CDH18: variants seen among roughly 807,000 people sequenced by gnomAD.
The protein encoded by CDH18 is cadherin-18.
CDH18 carries 31 observed loss-of-function variants against 67.9 expected under a neutral mutation model. The observed-to-expected ratio is 0.46, with a 90% CI of 0.34 to 0.62. The LOEUF (loss-of-function observed/expected upper bound fraction) is 0.62. Among genes scored for constraint, CDH18 ranks in the 20% least tolerant of loss-of-function variants. The pLI is 0.01. For synonymous variants in CDH18, 362 were observed against 347.2 expected (o/e 1.04, Z -0.48); for missense variants, 890 against 975.5 (o/e 0.91, Z 1.17).
intron 2 of CDH18, among the ~76,000 whole-genome samples, chr5:20,245,516 T>G (rs2126569865): frequency 6.6e-6 from 1 of 152,220 alleles, no homozygotes; most frequent in East Asian, 1.9e-4. Flanking sequence ...TTGAGTTGTT[T>G]AATAAGTTCT....
chr5:20,288,247 T>C (rs1746836939), intron 1 of CDH18, among the ~76,000 whole-genome samples: 1 of 151,790 alleles, frequency 6.6e-6, no homozygotes, highest in Admixed American at 6.6e-5. Flanking sequence ...TCCTTAACTC[T>C]AATAGAAATC....
chr5:20,264,728 A>C (rs1744903217), intron 1 of CDH18, among the ~76,000 whole-genome samples: 1 of 152,160 alleles, frequency 6.6e-6, no homozygotes, highest in Non-Finnish European at 1.5e-5. Context: ...ACACATAATA[A>C]AATAAGTCCA....
chr5:20,057,980 G>T (rs75645005), intron 2 of CDH18, among the ~76,000 whole-genome samples: 1 of 152,012 alleles, frequency 6.6e-6, no homozygotes, highest in Non-Finnish European at 1.5e-5. Flanking sequence ...AAAGAAAGCC[G>T]TCATTAGGAT....
At chr5:19,682,197 G>A (rs10058914) in intron 5 of CDH18, among the ~76,000 whole-genome samples, 5,176 of 152,056 alleles carry the variant, frequency 0.034, 283 homozygotes, top group African/African-American at 0.12. Flanking sequence ...CTTCAATTCT[G>A]CCAACAGGCA....
intron 7 of CDH18, among the ~76,000 whole-genome samples, chr5:19,575,014 G>C (rs1455902497): frequency 2.0e-5 from 3 of 152,100 alleles, no homozygotes; most frequent in Admixed American, 2.0e-4. Context: ...ACTCCAGCCT[G>C]GGTGACAGAG....
At chr5:19,708,491 C>A (rs2150515214) in intron 5 of CDH18, among the ~76,000 whole-genome samples, 1 of 152,202 alleles carries the variant, frequency 6.6e-6, no homozygotes, top group South Asian at 2.1e-4. Context: ...CCAAATCTGG[C>A]CATAAACAGG....
At chr5:20,120,345 T>C (rs760945548) in intron 2 of CDH18, among the ~76,000 whole-genome samples, 1 of 152,192 alleles carries the variant, frequency 6.6e-6, no homozygotes, top group South Asian at 2.1e-4. Context: ...GGCTTTATTC[T>C]ATGGCACTTA....
At chr5:19,744,479 A>T (rs994499615) in intron 4 of CDH18, among the ~76,000 whole-genome samples, 3 of 149,272 alleles carry the variant, frequency 2.0e-5, no homozygotes, top group Non-Finnish European at 4.4e-5. Flanking sequence ...TATCTCAAAA[A>T]TATCCATTTG....
intron 5 of CDH18, among the ~76,000 whole-genome samples, chr5:19,710,996 T>C (rs1764633936): frequency 6.6e-6 from 1 of 151,926 alleles, no homozygotes; most frequent in African/African-American, 2.4e-5. Flanking sequence ...AAACAAACAC[T>C]GAGGAAAGAA....
intron 2 of CDH18, among the ~76,000 whole-genome samples, chr5:19,891,319 G>A (rs1247976548): frequency 3.9e-5 from 6 of 152,030 alleles, no homozygotes. Context: ...CAGAGGAATG[G>A]GGATAGGGCT....
intron 2 of CDH18, among the ~76,000 whole-genome samples, chr5:20,022,814 T>C (rs1203746337): frequency 1.3e-5 from 2 of 152,120 alleles, no homozygotes; most frequent in African/African-American, 2.4e-5. Flanking sequence ...AAAGGAAAAA[T>C]ATTATGAATA....
intron 2 of CDH18, among the ~76,000 whole-genome samples, chr5:19,995,224 TAGCCC>T (rs1735911484): frequency 6.6e-6 from 1 of 152,060 alleles, no homozygotes; most frequent in African/African-American, 2.4e-5. Context: ...AAGCATCACT[TAGCCC>T]AGTCACATTG....
chr5:20,004,434 T>G (rs1736719983), intron 2 of CDH18, among the ~76,000 whole-genome samples: 1 of 152,178 alleles, frequency 6.6e-6, no homozygotes. Flanking sequence ...CATTCAGCCC[T>G]CCCTTTAAAG....
chr5:20,483,457 C>A (rs1322737210), intron 1 of CDH18, among the ~76,000 whole-genome samples: 2 of 151,798 alleles, frequency 1.3e-5, no homozygotes, highest in Non-Finnish European at 2.9e-5. Context: ...CTCAGAATAG[C>A]CAATGTTAAC....
chr5:20,022,724 C>G (rs780351968), intron 2 of CDH18, among the ~76,000 whole-genome samples: 1 of 152,140 alleles, frequency 6.6e-6, no homozygotes, highest in African/African-American at 2.4e-5. Flanking sequence ...AAGTTTTGTA[C>G]CATAGGTAAT....
chr5:20,481,326 T>C (rs1040910100), intron 1 of CDH18, among the ~76,000 whole-genome samples: 1 of 151,968 alleles, frequency 6.6e-6, no homozygotes, highest in Non-Finnish European at 1.5e-5. Context: ...AGGACTCAGA[T>C]ACATAAAGCA....
intron 2 of CDH18, among the ~76,000 whole-genome samples, chr5:20,086,767 A>C (rs995064861): frequency 6.6e-6 from 1 of 152,038 alleles, no homozygotes; most frequent in African/African-American, 2.4e-5. Context: ...GAAAAGAAAG[A>C]CTCTTTCTAA....
intron 3 of CDH18, among the ~76,000 whole-genome samples, chr5:19,804,289 G>A (rs1321656814): frequency 2.7e-5 from 4 of 147,606 alleles, no homozygotes; most frequent in African/African-American, 5.1e-5. Context: ...GGGACAGAGC[G>A]AGATTCCATC....
At chr5:19,889,494 G>T (rs1296830330) in intron 2 of CDH18, among the ~76,000 whole-genome samples, 2 of 151,944 alleles carry the variant, frequency 1.3e-5, no homozygotes, top group African/African-American at 4.8e-5. Context: ...ATTTAGGGGA[G>T]ACTCTGGCTT....
Sources: gnomAD v4.1 joint callset for allele counts (sites outside exome capture counted in the v4.1 genomes callset) on GRCh38, gnomAD v4.1.1 for gene constraint, MANE v1.5 for transcripts, NCBI Gene and HGNC (gene_info 2026-07-23, HGNC 2026-07-21) for gene names.